The following NPAS3 variants were observed in gnomAD, a reference collection of about 807,000 sequenced individuals.
NPAS3 encodes neuronal PAS domain-containing protein 3.
NPAS3 carries 14 observed loss-of-function variants against 73.1 expected under a neutral mutation model. That is an observed-to-expected ratio of 0.19 (90% CI 0.13 to 0.30). The LOEUF is 0.30. Among genes scored for constraint, NPAS3 ranks in the 10% least tolerant of loss-of-function variants. The pLI, the probability that NPAS3 is intolerant of heterozygous loss-of-function variation, is 1.00. For synonymous variants in NPAS3, 620 were observed against 541.5 expected, an observed-to-expected ratio of 1.14 and a Z score of -2.01; for missense variants, 1,096 against 1,250.0, an observed-to-expected ratio of 0.88 and a Z score of 1.86.
At chr14:33,636,558 C>T (rs183185120) in intron 5 of NPAS3, among the ~76,000 whole-genome samples, 65 of 152,298 alleles carry the variant, frequency 4.3e-4, no homozygotes, top group Admixed American at 4.0e-3. Context: ...CACTCACTTA[C>T]GTGGTATGTG....
intron 4 of NPAS3, among the ~76,000 whole-genome samples, chr14:33,545,580 C>T (rs2054806570): frequency 6.6e-6 from 1 of 152,194 alleles, no homozygotes; most frequent in Admixed American, 6.5e-5. Context: ...GCATTACAGC[C>T]TGCTGCCTCT....
At chr14:33,320,056 G>A (rs1404771252) in intron 3 of NPAS3, among the ~76,000 whole-genome samples, 1 of 152,120 alleles carries the variant, frequency 6.6e-6, no homozygotes, top group African/African-American at 2.4e-5. Context: ...TCGGGAAGGA[G>A]TTTGTAGAGG....
intron 1 of NPAS3, among the ~76,000 whole-genome samples, chr14:33,050,335 A>G (rs1281739270): frequency 1.3e-5 from 2 of 152,082 alleles, no homozygotes; most frequent in Non-Finnish European, 2.9e-5. Context: ...CTCTCTGTGG[A>G]CTCATAACAA....
chr14:33,664,926 A>C (rs1363965973), intron 5 of NPAS3, among the ~76,000 whole-genome samples: 70 of 152,314 alleles, frequency 4.6e-4, no homozygotes, highest in African/African-American at 1.6e-3. Flanking sequence ...AAACTCGTTC[A>C]ACCATTGTGG....
chr14:33,509,697 A>G (rs1408505219), intron 4 of NPAS3, among the ~76,000 whole-genome samples: 1 of 151,816 alleles, frequency 6.6e-6, no homozygotes, highest in African/African-American at 2.4e-5. Context: ...AAGTCCAGTT[A>G]CTCTGGTCTT....
intron 5 of NPAS3, among the ~76,000 whole-genome samples, chr14:33,626,947 A>G (rs924887952): frequency 6.6e-6 from 1 of 152,260 alleles, no homozygotes; most frequent in Non-Finnish European, 1.5e-5. Flanking sequence ...ACTTCTTTCA[A>G]CCATATTCTC....
intron 5 of NPAS3, among the ~76,000 whole-genome samples, chr14:33,668,725 C>T (rs542664722): frequency 9.2e-5 from 14 of 152,170 alleles, no homozygotes; most frequent in South Asian, 2.1e-4. Flanking sequence ...AGGCTGAGAC[C>T]GGAGGATCGC....
At chr14:33,356,045 G>A (rs1264259459) in intron 3 of NPAS3, among the ~76,000 whole-genome samples, 1 of 152,210 alleles carries the variant, frequency 6.6e-6, no homozygotes, top group Non-Finnish European at 1.5e-5. Flanking sequence ...AGATGAATAA[G>A]TGAATTATAT....
chr14:33,725,654 A>G (rs892611686), intron 6 of NPAS3, among the ~76,000 whole-genome samples: 1 of 152,072 alleles, frequency 6.6e-6, no homozygotes, highest in African/African-American at 2.4e-5. Context: ...CCAGCTCATC[A>G]TGTCATCAGT....
chr14:33,499,833 C>G (rs1416028258), intron 4 of NPAS3, among the ~76,000 whole-genome samples: 1 of 151,874 alleles, frequency 6.6e-6, no homozygotes, highest in Non-Finnish European at 1.5e-5. Flanking sequence ...CTTGCTTTCC[C>G]GCTATTTCCA....
chr14:33,435,054 C>T lies in NPAS3; in HGVS notation c.468+67786C>T, dbSNP rs148813876. On this transcript the variant is annotated intron_variant, in intron 4 of 11. Coordinates refer to ENST00000356141, the Ensembl canonical transcript of NPAS3. Reference sequence around the variant, plus strand: ...GATTGGAGATGTTTAATTCAGTGATCTTAGTCTCTCAGACTTCTGCAAAAG... The same window carrying T: ...GATTGGAGATGTTTAATTCAGTGATTTTAGTCTCTCAGACTTCTGCAAAAG... Among the ~76,000 whole-genome samples the T allele has an allele frequency of 2.1e-4, 32 of 152,296 alleles. No homozygotes were observed. The East Asian group carries it at 5.8e-3, about 28-fold the overall frequency.
intron 1 of NPAS3, among the ~76,000 whole-genome samples, chr14:33,006,453 G>A (rs1052054709): frequency 2.0e-5 from 3 of 152,190 alleles, no homozygotes; most frequent in South Asian, 2.1e-4. Flanking sequence ...CAACAACAGC[G>A]CTACCAACAA....
intron 4 of NPAS3, among the ~76,000 whole-genome samples, chr14:33,461,433 G>A (rs1005686299): frequency 6.6e-6 from 1 of 152,140 alleles, no homozygotes; most frequent in East Asian, 1.9e-4. Context: ...GCATTCTACA[G>A]GCTTGTTATT....
intron 4 of NPAS3, among the ~76,000 whole-genome samples, chr14:33,466,948 G>A (rs1248984143): frequency 6.6e-6 from 1 of 152,176 alleles, no homozygotes; most frequent in African/African-American, 2.4e-5. Context: ...CTCCTTGAAG[G>A]AGGTAATAAA....
intron 5 of NPAS3, among the ~76,000 whole-genome samples, chr14:33,629,760 A>G (rs1436611885): frequency 6.7e-6 from 1 of 149,548 alleles, no homozygotes; most frequent in Middle Eastern, 3.2e-3. Context: ...TTTTTTTTCC[A>G]TTTTCATACC....
chr14:33,206,634 T>C (rs75217844), intron 2 of NPAS3, among the ~76,000 whole-genome samples: 4,929 of 152,274 alleles, frequency 0.032, 140 homozygotes, highest in Non-Finnish European at 0.044. Context: ...TTAGATGATG[T>C]TGAAAACACT....
upstream of NPAS3, chr14:32,934,967 C>T (rs1163793748): frequency 1.5e-5 from 20 of 1,316,106 alleles, no homozygotes; most frequent in Middle Eastern, 3.9e-4. This position sits in a 1 kb window ranked among gnomAD's most constrained non-coding sequence, Gnocchi z 4.1. Flanking sequence ...AACGGCACCC[C>T]GCAGAACGTC....
intron 2 of NPAS3, among the ~76,000 whole-genome samples, chr14:33,129,628 A>G (rs2043560828): frequency 1.3e-5 from 2 of 152,114 alleles, no homozygotes. Context: ...GTTGTTCCCA[A>G]TTGTAGTAGT....
intron 2 of NPAS3, among the ~76,000 whole-genome samples, chr14:33,196,000 G>C (rs1050917551): frequency 6.6e-6 from 1 of 152,214 alleles, no homozygotes; most frequent in African/African-American, 2.4e-5. Context: ...CAAATGGAAA[G>C]ATGTCCTAGA....
Sources: gnomAD v4.1 joint callset for allele counts (sites outside exome capture counted in the v4.1 genomes callset) on GRCh38, gnomAD v4.1.1 for gene constraint, Gnocchi (gnomAD v3.1) non-coding constraint, MANE v1.5 for transcripts, NCBI Gene and HGNC (gene_info 2026-07-23, HGNC 2026-07-21) for gene names.